Variants in UGT2A2 observed in about 807,000 individuals in gnomAD.
UGT2A2 encodes the protein UDP glucuronosyltransferase family 2 member A2, also known as UDP-glucuronosyltransferase 2A2.
A neutral mutation model predicts 50.7 loss-of-function variants in UGT2A2; 60 were observed. That is an observed-to-expected ratio of 1.18 (90% confidence interval 0.96 to 1.47). The LOEUF is 1.47. Ranked by LOEUF, UGT2A2 falls within the 40% of genes most tolerant of loss-of-function variation. The pLI is 0.00. For synonymous variants in UGT2A2, 242 were observed against 214.6 expected (o/e 1.13, Z -1.11); for missense variants, 762 against 634.0 (o/e 1.20, Z -2.17).
chr4:69,596,309 T>C lies in UGT2A2; in HGVS notation c.964A>G (p.Asn322Asp), dbSNP rs778389564. ...VVFSLGSMVK[N>D]LTEEKANLIA... ...AGATTGGCCTTTTCTTCTGTAAGGT[T>C]TTTGACCATTGATCCCAGAGAAAAC... The change falls in exon 3 of 6, where the codon AAC becomes GAC. Residue 322 changes from asparagine (N) to aspartate (D), a missense_variant. By Grantham distance (23) the Asn-to-Asp change is conservative. Coordinates refer to ENST00000604629, the MANE Select transcript of UGT2A2 (RefSeq NM_001105677.2). The C allele has an allele frequency of 4.4e-6, 7 of 1,608,786 alleles. No homozygotes were observed. The Admixed American group carries it at 1.2e-4, about 27-fold the overall frequency.
In UGT2A2 at chr4:69,588,653, T is replaced by C. The variant is rs1335062788; in HGVS notation, c.*719A>G. 1 of 151,898 alleles carries C rather than the reference T, an allele frequency of 6.6e-6. No individual in the cohort carries two copies. Among genetic ancestry groups the C allele is most frequent in the Admixed American group, 6.6e-5 (1 of 15,232 alleles). 9.4% of individuals were successfully genotyped at this position (151,898 alleles called of 1,614,324 possible). On this transcript the variant is annotated 3_prime_UTR_variant, in exon 6 of 6. Coordinates refer to ENST00000604629, the MANE Select transcript of UGT2A2 (RefSeq NM_001105677.2). ...CTTCAACATATAACATAGAACTTTCTCCTTGAAATAAAAGAGTCGATTGAT... is the reference window on the plus strand; with the variant it reads ...CTTCAACATATAACATAGAACTTTCCCCTTGAAATAAAAGAGTCGATTGAT...
intron 1 of UGT2A2, among the ~76,000 whole-genome samples, chr4:69,638,497 A>G (rs749052486): frequency 1.8e-4 from 27 of 152,146 alleles, no homozygotes; most frequent in Non-Finnish European, 2.5e-4. Flanking sequence ...ATGCTTTTCA[A>G]AGCTTTCTGC....
intron 1 of UGT2A2, among the ~76,000 whole-genome samples, chr4:69,630,703 C>T (rs1183995932): frequency 6.6e-6 from 1 of 151,978 alleles, no homozygotes; most frequent in African/African-American, 2.4e-5. Flanking sequence ...AGCCAAGATG[C>T]CAAGGATGTA....
intron 2 of UGT2A2, among the ~76,000 whole-genome samples, chr4:69,597,609 T>G (rs1719006338): frequency 6.6e-6 from 1 of 152,162 alleles, no homozygotes; most frequent in Admixed American, 6.5e-5. Flanking sequence ...GAAAATAGAT[T>G]GCTATTTTTG....
chr4:69,599,669 A>C, intron 1 of UGT2A2: 1 of 320,946 alleles, frequency 3.1e-6, no homozygotes, highest in Non-Finnish European at 5.5e-6. Flanking sequence ...AGTGAGAAAA[A>C]GGGAAGAAAG....
intron 5 of UGT2A2, among the ~76,000 whole-genome samples, chr4:69,590,126 T>G (rs1024887520): frequency 1.3e-5 from 2 of 152,218 alleles, no homozygotes; most frequent in Admixed American, 1.3e-4. Flanking sequence ...ATGTAGGCAT[T>G]GTGATAATTA....
rs151238794 is a variant in UGT2A2, at chr4:69,589,083, A to G, written c.*289T>C. 2.2e-4 allele frequency: 55 copies of G among 245,076 alleles called. No individual in the cohort carries two copies. The highest frequency in any genetic ancestry group is 1.2e-3 in the African/African-American group (54 of 44,632). 15.2% of individuals were successfully genotyped at this position (245,076 alleles called of 1,614,324 possible). A position where few individuals can be genotyped will look rare whatever the true frequency, so the allele number is the denominator to read the frequency against. On this transcript the variant is annotated 3_prime_UTR_variant, in exon 6 of 6. Transcript: ENST00000604629. ...AAAATAATTTGATACTATGAATAGA[A>G]CATATTTAAAATTAGGTAGTATCCT...
chr4:69,632,945 G>A (rs1471586922), intron 1 of UGT2A2, among the ~76,000 whole-genome samples: 3 of 151,672 alleles, frequency 2.0e-5, no homozygotes, highest in African/African-American at 7.3e-5. Flanking sequence ...CAAGGAATAC[G>A]TTATGCACTA....
At chr4:69,618,656 C>T (rs888460580) in intron 1 of UGT2A2, among the ~76,000 whole-genome samples, 2 of 151,850 alleles carry the variant, frequency 1.3e-5, no homozygotes, top group African/African-American at 4.8e-5. Flanking sequence ...AATCTTTATG[C>T]TTTTCAGATT....
At position 69,592,422 on chromosome 4, in the gene UGT2A2, G is replaced by T. The variant is rs540560869; in HGVS notation, c.1331+2055C>A. On this transcript the variant is annotated intron_variant, in intron 5 of 5. Transcript: ENST00000604629. ...GAAACTAAAAATGCATTTAGGTATT[G>T]CATATAGTCCAAAGAAGAGGAGATT... 3.3e-5 allele frequency among the ~76,000 whole-genome samples: 5 copies of T among 152,164 alleles called. No homozygotes were observed. In the East Asian group the frequency reaches 9.7e-4, roughly 29 times the overall value.
rs1005593390 is a variant in UGT2A2, at chr4:69,595,310, G to A, written c.1024-61C>T. 7.6e-6 allele frequency: 12 copies of A among 1,580,718 alleles called. No individual in the cohort carries two copies. In the African/African-American group the frequency reaches 8.1e-5, roughly 11 times the overall value. ...ACACAATGAGGACATTTTAAGTTGG[G>A]AGAATTATTTAGAAATCATTTAGCC... is the stretch of plus-strand genomic sequence containing the variant. On this transcript the variant is annotated intron_variant, in intron 3 of 5. Coordinates refer to ENST00000604629, the MANE Select transcript of UGT2A2 (RefSeq NM_001105677.2).
intron 5 of UGT2A2, among the ~76,000 whole-genome samples, chr4:69,591,529 G>A (rs1718599606): frequency 6.6e-6 from 1 of 152,086 alleles, no homozygotes; most frequent in South Asian, 2.1e-4. Context: ...GAGAGAATAG[G>A]TTGTGAAACG....
At chr4:69,625,016 C>A (rs1031987393) in intron 1 of UGT2A2, among the ~76,000 whole-genome samples, 1 of 150,834 alleles carries the variant, frequency 6.6e-6, no homozygotes, top group African/African-American at 2.4e-5. Context: ...AAAAAATCAG[C>A]CTTTATTTTT....
chr4:69,631,439 T>C (rs1721381712), intron 1 of UGT2A2, among the ~76,000 whole-genome samples: 1 of 152,132 alleles, frequency 6.6e-6, no homozygotes, highest in Non-Finnish European at 1.5e-5. Context: ...ATCATAAATT[T>C]TAAAACTAAA....
chr4:69,638,490 C>G (rs1196835625), intron 1 of UGT2A2, among the ~76,000 whole-genome samples: 2 of 152,064 alleles, frequency 1.3e-5, no homozygotes, highest in Non-Finnish European at 2.9e-5. Flanking sequence ...TGATTCTATG[C>G]TTTTCAAAGC....
intron 2 of UGT2A2, among the ~76,000 whole-genome samples, 180 bp from the exon 3 acceptor site, chr4:69,596,561 C>T (rs1353401992): frequency 3.3e-5 from 5 of 152,194 alleles, no homozygotes; most frequent in Admixed American, 1.3e-4. Flanking sequence ...CTCGCTCTGT[C>T]GCCCAGGCTG....
chr4:69,619,755 C>A (rs1577977139), intron 1 of UGT2A2, among the ~76,000 whole-genome samples: 2 of 151,890 alleles, frequency 1.3e-5, no homozygotes, highest in South Asian at 2.1e-4. Context: ...AAATCCTCAA[C>A]AAAATACTTT....
intron 1 of UGT2A2, chr4:69,599,625 C>A: frequency 4.4e-6 from 2 of 454,008 alleles, no homozygotes; most frequent in South Asian, 5.9e-5. Context: ...GGAAGGCAGG[C>A]AAGCAGGGAG....
chr4:69,634,548 G>A (rs553623809), intron 1 of UGT2A2, among the ~76,000 whole-genome samples: 1 of 150,828 alleles, frequency 6.6e-6, no homozygotes, highest in Non-Finnish European at 1.5e-5. Context: ...GAGGGGGAAG[G>A]TTAAGAGGCT....
Sources: gnomAD v4.1 joint callset for allele counts (sites outside exome capture counted in the v4.1 genomes callset) on GRCh38, gnomAD v4.1.1 for gene constraint, MANE v1.5 for transcripts, NCBI Gene and HGNC (gene_info 2026-07-23, HGNC 2026-07-21) for gene names.